The following ERN1 variants were observed in gnomAD, a reference collection of about 807,000 sequenced individuals.
ERN1 encodes the protein endoplasmic reticulum to nucleus signaling 1.
ERN1 carries 39 observed loss-of-function variants against 113.1 expected under a neutral mutation model. That is an observed-to-expected ratio of 0.34 (90% CI 0.27 to 0.45). ERN1 has a LOEUF of 0.45. Ranked by LOEUF, ERN1 falls within the 20% of genes least tolerant of loss-of-function variation. ERN1 has a pLI of 1.00. For missense variants in ERN1, 976 were observed against 1,274.8 expected, an observed-to-expected ratio of 0.77 and a Z score of 3.57; for synonymous variants, 507 against 515.9, an observed-to-expected ratio of 0.98 and a Z score of 0.23.
chr17:64,084,247 A>G (rs1026854553), intron 2 of ERN1, among the ~76,000 whole-genome samples: 1 of 152,160 alleles, frequency 6.6e-6, no homozygotes, highest in Non-Finnish European at 1.5e-5. Flanking sequence ...GAAGAAAGCC[A>G]TGACTCAAAC....
At chr17:64,109,605 T>C (rs1023522472) in intron 1 of ERN1, among the ~76,000 whole-genome samples, 1 of 152,216 alleles carries the variant, frequency 6.6e-6, no homozygotes, top group Non-Finnish European at 1.5e-5. Flanking sequence ...ACAATGCAGA[T>C]CAACCAGTAG....
intron 12 of ERN1, among the ~76,000 whole-genome samples, chr17:64,057,181 T>G (rs1912897534): frequency 6.6e-6 from 1 of 152,216 alleles, no homozygotes; most frequent in Non-Finnish European, 1.5e-5. Flanking sequence ...AGGAAAGGTC[T>G]TCATCTATTA....
rs1912443052 is a variant in ERN1 at position 64,044,345 on chromosome 17, C to T, written c.2722-145G>A. ...AGAAAAAGAAAAAAGGCTTATGTATCCAAGAATCCAGCCCCGTCATCTCGC... is the reference window on the plus strand; with the variant it reads ...AGAAAAAGAAAAAAGGCTTATGTATTCAAGAATCCAGCCCCGTCATCTCGC... On this transcript the variant is annotated intron_variant, in intron 21 of 21. Coordinates refer to ENST00000433197, the MANE Select transcript of ERN1 (RefSeq NM_001433.5). The surrounding 1 kb of genome is among the most constrained non-coding windows in gnomAD (Gnocchi z 4.1). 2 of 608,050 alleles carry T rather than the reference C, an allele frequency of 3.3e-6. No individual in the cohort carries two copies. 37.7% of individuals were successfully genotyped at this position (608,050 alleles called of 1,614,324 possible).
At chr17:64,053,488 G>T in intron 15 of ERN1, 117 bp from the exon 16 acceptor site, 1 of 574,738 alleles carries the variant, frequency 1.7e-6, no homozygotes, top group Non-Finnish European at 2.7e-6. Context: ...ACAACATTCT[G>T]TCTAAATCCA....
At chr17:64,121,653 C>G (rs1914959118) in intron 1 of ERN1, among the ~76,000 whole-genome samples, 1 of 152,146 alleles carries the variant, frequency 6.6e-6, no homozygotes, top group African/African-American at 2.4e-5. Flanking sequence ...CCATGCCTGG[C>G]TAATTTTTGT....
intron 12 of ERN1, among the ~76,000 whole-genome samples, chr17:64,057,469 C>A (rs196934): frequency 2.6e-5 from 4 of 152,064 alleles, no homozygotes; most frequent in African/African-American, 4.8e-5. Context: ...CACGGGTTCA[C>A]GCCATTCTCC....
At chr17:64,059,333 T>A (rs994064082) in intron 11 of ERN1, among the ~76,000 whole-genome samples, 1 of 152,238 alleles carries the variant, frequency 6.6e-6, no homozygotes, top group Admixed American at 6.5e-5. Flanking sequence ...GCTTTTGGTC[T>A]CGGCATCAGT....
At chr17:64,045,555 T>A in intron 19 of ERN1, 73 bp from the exon 20 acceptor site, 1 of 1,593,970 alleles carries the variant, frequency 6.3e-7, no homozygotes. Flanking sequence ...TGGGACTCAG[T>A]AACAGATCAT....
intron 3 of ERN1, 101 bp downstream of exon 3, chr17:64,080,674 A>G (rs896512219): frequency 1.0e-5 from 11 of 1,082,880 alleles, no homozygotes; most frequent in Non-Finnish European, 1.5e-5. Flanking sequence ...TTATTCCTCA[A>G]ACTTACACAT....
At chr17:64,067,920 T>G in intron 7 of ERN1, 1 of 369,018 alleles carries the variant, frequency 2.7e-6, no homozygotes, top group Non-Finnish European at 5.0e-6. Flanking sequence ...AAATTCCTTC[T>G]GTGACATAGA....
chr17:64,103,976 C>A (rs983114693), intron 1 of ERN1, among the ~76,000 whole-genome samples: 15 of 152,016 alleles, frequency 9.9e-5, no homozygotes, highest in Non-Finnish European at 1.9e-4. Context: ...TGGTGACTCA[C>A]GCCTGTAATT....
chr17:64,083,371 C>T (rs942656459), intron 2 of ERN1, among the ~76,000 whole-genome samples: 2 of 151,924 alleles, frequency 1.3e-5, no homozygotes, highest in Non-Finnish European at 2.9e-5. Context: ...ATAATGAGAA[C>T]TGATATCAGG....
Position 64,065,259 on chromosome 17 carries a change from T to C in ERN1, c.871A>G (p.Thr291Ala), listed in dbSNP as rs79837628. 1.9e-6 allele frequency: 3 copies of C among 1,601,260 alleles called. No homozygotes were observed. Among genetic ancestry groups the C allele is most frequent in the Non-Finnish European group, 2.6e-6 (3 of 1,174,428 alleles). The change falls in exon 9 of 22, where the codon ACC (threonine) becomes GCC (alanine). Residue 291 changes from threonine to alanine, a missense_variant. By Grantham distance (58) the Thr-to-Ala change is moderately conservative. Coordinates refer to ENST00000433197, the MANE Select transcript of ERN1 (RefSeq NM_001433.5). ...TPTLYVGKYS[T>A]SLYASPSMVH... is the part of the protein sequence containing the mutation. ...ATTGAGGGAGAGGCATAGAGGCTGG[T>C]AGAGTATTTCCCAACATACAGAGTG...
At chr17:64,045,250 G>A (rs1356751914) in intron 20 of ERN1, 109 bp downstream of exon 20, 15 of 1,282,462 alleles carry the variant, frequency 1.2e-5, no homozygotes, top group Non-Finnish European at 1.7e-5. Context: ...AACCTGACAG[G>A]TGGGATGTGG....
chr17:64,055,740 G>A lies in ERN1; in HGVS notation c.1607C>T (p.Ser536Leu), dbSNP rs567044945. ...PSTSPRASNH[S>L]LCSGSSASKA... ...GGAGGCAGAGCTGCCGGAGCAGAGC[G>A]AGTGGTTGGAGGCCCTGGGGGACGT... Residue 536 changes from serine (S) to leucine (L), a missense_variant, in exon 13 of 22, where the codon TCG becomes TTG. By Grantham distance (145) the Ser-to-Leu change is moderately radical. Transcript: ENST00000433197. 6.2e-6 allele frequency: 10 copies of A among 1,612,000 alleles called. No individual in the cohort carries two copies. In the African/African-American group the frequency reaches 8.0e-5, roughly 13 times the overall value.
rs185835208 is a variant in ERN1, at chr17:64,123,408, G to C, written c.54+6568C>G. On this transcript the variant is annotated intron_variant, in intron 1 of 21. Coordinates refer to ENST00000433197, the MANE Select transcript of ERN1 (RefSeq NM_001433.5). The stretch of plus-strand genomic sequence containing the variant: ...TTCTCAATAGCTTTTAGGTACAAAG[G>C]GTATCATCCAGAGACTGCCTTGGTT... 4.6e-5 allele frequency among the ~76,000 whole-genome samples: 7 copies of C among 152,028 alleles called. No homozygotes were observed. The East Asian group carries it at 1.4e-3, about 29-fold the overall frequency.
intron 2 of ERN1, among the ~76,000 whole-genome samples, chr17:64,097,066 C>T (rs1720966841): frequency 6.6e-6 from 1 of 152,222 alleles, no homozygotes; most frequent in African/African-American, 2.4e-5. Flanking sequence ...AGATACAGTA[C>T]AGATGATGTT....
intron 1 of ERN1, among the ~76,000 whole-genome samples, chr17:64,104,089 T>C (rs1000570070): frequency 1.3e-5 from 2 of 150,712 alleles, no homozygotes; most frequent in Admixed American, 6.6e-5. Context: ...AAAAAAAAAA[T>C]TAATTTGCCA....
At chr17:64,053,464 G>C (rs1186417074) in intron 15 of ERN1, 93 bp from the exon 16 acceptor site, 2 of 821,350 alleles carry the variant, frequency 2.4e-6, no homozygotes, top group Non-Finnish European at 3.5e-6. Context: ...AGAAAGAAAT[G>C]GCAAGTTTTA....
Sources: allele counts gnomAD v4.1 joint callset (sites outside exome capture counted in the v4.1 genomes callset), GRCh38; gene constraint gnomAD v4.1.1; non-coding constraint Gnocchi (gnomAD v3.1); transcripts MANE v1.5; gene names NCBI Gene and HGNC (gene_info 2026-07-23, HGNC 2026-07-21).